The following PAK4 variants were observed in gnomAD, a reference collection of about 807,000 sequenced individuals.
PAK4 encodes serine/threonine-protein kinase PAK 4.
A neutral mutation model predicts 53.5 loss-of-function variants in PAK4; 49 were observed. The observed-to-expected ratio is 0.92, with a 90% CI of 0.73 to 1.16. The LOEUF (loss-of-function observed/expected upper bound fraction) is 1.16, where lower values mean the gene tolerates loss of function less well. Among genes scored for constraint, PAK4 ranks in the 50% most tolerant of loss-of-function variants. PAK4 has a pLI of 0.00. For synonymous variants in PAK4, 376 were observed against 375.6 expected, an observed-to-expected ratio of 1.00 and a Z score of -0.01; for missense variants, 824 against 850.7, an observed-to-expected ratio of 0.97 and a Z score of 0.39.
At chr19:39,169,685 G>C in exon 2 of PAK4, 1 of 1,612,918 alleles carries the variant, frequency 6.2e-7, no homozygotes, top group African/African-American at 1.3e-5. Flanking sequence ...GCCTGATCGA[G>C]GAGTCGGCTC....
At chr19:39,174,390 C>G (rs1284569137) in intron 4 of PAK4, among the ~76,000 whole-genome samples, 1 of 151,824 alleles carries the variant, frequency 6.6e-6, no homozygotes, top group Non-Finnish European at 1.5e-5. Context: ...TCCCTCGGCA[C>G]AGCCCACACA....
In PAK4 at chr19:39,175,402, C is replaced by A. The variant is rs146720735; in HGVS notation, c.1323C>A (p.Ile441=). Residue 441 remains isoleucine (I), a synonymous_variant, in exon 6 of 9, where the codon ATC becomes ATA. Transcript: ENST00000358301. This position sits in a 1 kb window ranked among gnomAD's most constrained non-coding sequence, Gnocchi z 4.7. ...CCCAGGGCGTCATCCACCGGGACAT[C>A]AAGAGCGACTCGATCCTGCTGACCC... is the stretch of plus-strand genomic sequence containing the variant. 4.3e-6 allele frequency: 7 copies of A among 1,611,242 alleles called. No individual in the cohort carries two copies. The African/African-American group carries it at 9.4e-5, about 22-fold the overall frequency.
Position 39,161,507 on chromosome 19 carries a change from C to G in PAK4, c.-22-8025C>G, listed in dbSNP as rs1168742270. 6.6e-6 allele frequency among the ~76,000 whole-genome samples: 1 copy of G among 151,910 alleles called. No individual in the cohort carries two copies. Among genetic ancestry groups the G allele is most frequent in the African/African-American group, 2.4e-5 (1 of 41,338 alleles). ...CCCCCTCTGCAGCCCCCACAAGGTC[C>G]TGCCCCCTTGATTTCCACTGGGCCA... is the stretch of plus-strand genomic sequence containing the variant. On this transcript the variant is annotated intron_variant, in intron 1 of 8. Transcript: ENST00000358301. This position sits in a 1 kb window ranked among gnomAD's most constrained non-coding sequence, Gnocchi z 4.5.
intron 1 of PAK4, among the ~76,000 whole-genome samples, chr19:39,167,356 C>G (rs2074394146): frequency 6.6e-6 from 1 of 152,178 alleles, no homozygotes. Flanking sequence ...GGAATGACAG[C>G]AGGCAGAGTG....
chr19:39,144,282 A>G (rs1192036796), intron 1 of PAK4, among the ~76,000 whole-genome samples: 2 of 152,144 alleles, frequency 1.3e-5, no homozygotes, highest in East Asian at 3.8e-4. Context: ...GAGGGCTGAC[A>G]TGTCTTCTCT....
At chr19:39,139,892 A>T (rs1025642454) in intron 1 of PAK4, among the ~76,000 whole-genome samples, 2 of 152,128 alleles carry the variant, frequency 1.3e-5, no homozygotes, top group African/African-American at 4.8e-5. Context: ...GCCTGCAGGA[A>T]TGGCAACAAA....
chr19:39,180,542 T>A (rs903614705), downstream of PAK4: 4 of 152,142 alleles, frequency 2.6e-5, no homozygotes, highest in African/African-American at 9.7e-5. Context: ...CCTCCTGGGT[T>A]CAAGCGATTC....
At chr19:39,134,880 C>G (rs1278689546) in intron 1 of PAK4, 1 of 152,268 alleles carries the variant, frequency 6.6e-6, no homozygotes, top group Non-Finnish European at 1.5e-5. Flanking sequence ...GCCGGCATTA[C>G]AGGCGTGAGC....
At chr19:39,139,312 G>T (rs1469427295) in intron 1 of PAK4, among the ~76,000 whole-genome samples, 1 of 152,206 alleles carries the variant, frequency 6.6e-6, no homozygotes, top group Non-Finnish European at 1.5e-5. Flanking sequence ...TGCAACTCCT[G>T]CAGACACTGA....
At chr19:39,159,683 C>T (rs1465781212) in intron 1 of PAK4, among the ~76,000 whole-genome samples, 1 of 152,174 alleles carries the variant, frequency 6.6e-6, no homozygotes, top group African/African-American at 2.4e-5. Context: ...CCACTGTGCC[C>T]GGCCATGGAC....
chr19:39,160,845 C>T (rs2074272593), intron 1 of PAK4, among the ~76,000 whole-genome samples: 1 of 152,260 alleles, frequency 6.6e-6, no homozygotes, highest in Non-Finnish European at 1.5e-5. Context: ...TTGTCAGGGA[C>T]ATTGTCCCTT....
chr19:39,144,053 A>G (rs549247232), intron 1 of PAK4, among the ~76,000 whole-genome samples: 270 of 152,244 alleles, frequency 1.8e-3, no homozygotes, highest in Middle Eastern at 0.01. Flanking sequence ...ATGATGATAG[A>G]TAGATAGATA....
intron 1 of PAK4, among the ~76,000 whole-genome samples, chr19:39,131,122 A>G (rs2145099064): frequency 6.6e-6 from 1 of 152,280 alleles, no homozygotes; most frequent in East Asian, 1.9e-4. Context: ...GCTTAAGGTC[A>G]CACAGCAGGC....
intron 1 of PAK4, among the ~76,000 whole-genome samples, chr19:39,127,292 C>T (rs1212571153): frequency 6.6e-6 from 1 of 152,120 alleles, no homozygotes; most frequent in South Asian, 2.1e-4. Flanking sequence ...AGCCCCTTTA[C>T]TGTTCTCCAA....
At chr19:39,174,006 A>G (rs746064153) in exon 4 of PAK4, 24 of 1,585,290 alleles carry the variant, frequency 1.5e-5, no homozygotes, top group African/African-American at 6.7e-5. Flanking sequence ...CTGCTCTTCA[A>G]CGAGGTGCGG....
At chr19:39,159,619 A>C (rs1479013556) in intron 1 of PAK4, among the ~76,000 whole-genome samples, 2 of 152,144 alleles carry the variant, frequency 1.3e-5, no homozygotes, top group Non-Finnish European at 2.9e-5. Context: ...AACTCCTGAC[A>C]TCAGGTGATC....
chr19:39,173,775 G>A lies in PAK4; in HGVS notation c.863G>A (p.Gly288Asp), dbSNP rs530921873. 5.6e-6 allele frequency: 9 copies of A among 1,598,698 alleles called. No homozygotes were observed. In the African/African-American group the frequency reaches 9.4e-5, roughly 17 times the overall value. Residue 288 changes from glycine (G) to aspartate (D), a missense_variant, in exon 4 of 9, where the codon GGC becomes GAC. This residue lies in a region of PAK4 where 478 missense variants were observed against 435.8 expected (regional missense o/e 1.10). Transcript: ENST00000358301. This position sits in a 1 kb window ranked among gnomAD's most constrained non-coding sequence, Gnocchi z 6.9. ...GCCCCTGCTGTTCCTGGGCCCCCTG[G>A]CCCCCGCTCACCACAGCGGGAGCCA...
intron 1 of PAK4, among the ~76,000 whole-genome samples, chr19:39,133,329 G>A (rs1373367605): frequency 1.3e-5 from 2 of 152,178 alleles, no homozygotes; most frequent in African/African-American, 4.8e-5. Flanking sequence ...TAATATTATA[G>A]CTATGTCACC....
In PAK4 at chr19:39,173,662, C is replaced by A; in HGVS notation, c.750C>A (p.Pro250=). ...CCTCCTCCTCCTCCTCCCGGCCTCCCACCCGAGCCCGAGGTGCCCCCAGCC... is the reference window on the plus strand; with the variant it reads ...CCTCCTCCTCCTCCTCCCGGCCTCCAACCCGAGCCCGAGGTGCCCCCAGCC... The change falls in exon 4 of 9, where the codon CCC becomes CCA. Residue 250 remains proline (P), a synonymous_variant. Transcript: ENST00000358301. This position sits in a 1 kb window ranked among gnomAD's most constrained non-coding sequence, Gnocchi z 6.9. 6.3e-7 allele frequency: 1 copy of A among 1,587,272 alleles called. No homozygotes were observed. The highest frequency in any genetic ancestry group is 8.6e-7 in the Non-Finnish European group (1 of 1,164,910).
Sources: allele counts gnomAD v4.1 joint callset (sites outside exome capture counted in the v4.1 genomes callset), GRCh38; gene constraint gnomAD v4.1.1; regional missense constraint gnomAD v4.1.1; non-coding constraint Gnocchi (gnomAD v3.1); transcripts MANE v1.5; gene names NCBI Gene and HGNC (gene_info 2026-07-23, HGNC 2026-07-21).